DNAJC10: variants seen among roughly 807,000 people sequenced by gnomAD.
DNAJC10 encodes the protein DnaJ heat shock protein family (Hsp40) member C10.
In DNAJC10, 101 loss-of-function variants were observed where a neutral mutation model predicts 115.0. That is an observed-to-expected ratio of 0.88 (90% CI 0.75 to 1.04). The LOEUF (loss-of-function observed/expected upper bound fraction) is 1.04. Among genes scored for constraint, DNAJC10 ranks in the 50% least tolerant of loss-of-function variants. The pLI, the probability that DNAJC10 is intolerant of heterozygous loss-of-function variation, is 0.00. For synonymous variants in DNAJC10, 307 were observed against 301.5 expected, an observed-to-expected ratio of 1.02 and a Z score of -0.19; for missense variants, 981 against 928.8, an observed-to-expected ratio of 1.06 and a Z score of -0.73.
chr2:182,759,104 T>A lies in DNAJC10; in HGVS notation c.1998-56T>A. On this transcript the variant is annotated intron_variant, in intron 20 of 23. Coordinates refer to ENST00000264065, the MANE Select transcript of DNAJC10 (RefSeq NM_018981.4). ...GAAAGTATTACAATATTATTGCATT[T>A]CATATGTTTGCTTTGGTTTTATATA... is the stretch of plus-strand genomic sequence containing the variant. 4.2e-6 allele frequency: 6 copies of A among 1,428,664 alleles called. No homozygotes were observed. The South Asian group carries it at 7.8e-5, about 19-fold the overall frequency. The allele number at this position is 1,428,664 out of a possible 1,614,324, so 88.5% of individuals were successfully genotyped here.
At chr2:182,764,624 A>G (rs1359523962) in intron 22 of DNAJC10, among the ~76,000 whole-genome samples, 2 of 152,118 alleles carry the variant, frequency 1.3e-5, no homozygotes, top group Non-Finnish European at 2.9e-5. Flanking sequence ...CTATAAAAGG[A>G]TTGATTCTGC....
intron 14 of DNAJC10, among the ~76,000 whole-genome samples, chr2:182,746,072 C>CT (rs1282307913): frequency 3.3e-5 from 5 of 152,170 alleles, no homozygotes; most frequent in Non-Finnish European, 7.4e-5. Flanking sequence ...TGAACTCATC[C>CT]TTTTTTATGG....
At chr2:182,760,391 A>G (rs1213687406) in intron 21 of DNAJC10, among the ~76,000 whole-genome samples, 1 of 152,158 alleles carries the variant, frequency 6.6e-6, no homozygotes, top group East Asian at 1.9e-4. Context: ...GGAGCTGGAT[A>G]CCAATGGAAA....
chr2:182,779,980 T>C lies in DNAJC10; in HGVS notation c.*2848T>C, dbSNP rs534928144. 3.3e-5 allele frequency: 5 copies of C among 152,328 alleles called. No homozygotes were observed. Among genetic ancestry groups the C allele is most frequent in the African/African-American group, 9.6e-5 (4 of 41,576 alleles). 9.4% of individuals were successfully genotyped at this position (152,328 alleles called of 1,614,324 possible). ...AGATGTCTTAAAGTAGGCACATTTA[T>C]TCCATTGTGACTGTTAAGAAATAAT... On this transcript the variant is annotated 3_prime_UTR_variant, in exon 24 of 24. Transcript: ENST00000264065.
In DNAJC10 at chr2:182,729,900, C is replaced by G; in HGVS notation, c.686C>G (p.Ala229Gly). ...DRSKESLVSF[A>G]MQHVRSTVTE... Reference sequence around the variant, plus strand: ...TCAAAGGAGAGTTTAGTGAGTTTTGCAATGCAGCATGTTAGAAGTACAGTG... The same window carrying G: ...TCAAAGGAGAGTTTAGTGAGTTTTGGAATGCAGCATGTTAGAAGTACAGTG... The change falls in exon 8 of 24, where the codon GCA becomes GGA. Residue 229 changes from alanine to glycine, a missense_variant. By Grantham distance (60) the Ala-to-Gly change is moderately conservative. Transcript: ENST00000264065. The G allele has an allele frequency of 3.1e-6, 5 of 1,609,956 alleles. No homozygotes were observed. The highest frequency in any genetic ancestry group is 4.2e-6 in the Non-Finnish European group (5 of 1,178,088).
intron 21 of DNAJC10, 40 bp downstream of exon 21, chr2:182,759,347 A>G (rs759296141): frequency 1.3e-6 from 2 of 1,559,736 alleles, no homozygotes; most frequent in Non-Finnish European, 1.7e-6. Flanking sequence ...AGCCACATTC[A>G]TGTTTTAGTA....
At chr2:182,739,701 A>G in intron 11 of DNAJC10, 2 of 1,029,926 alleles carry the variant, frequency 1.9e-6, no homozygotes, top group Non-Finnish European at 2.3e-6. Context: ...CAAGTTTAAG[A>G]TAAGATCTGT....
At chr2:182,731,935 A>G (rs1338699162) in intron 9 of DNAJC10, among the ~76,000 whole-genome samples, 1 of 152,152 alleles carries the variant, frequency 6.6e-6, no homozygotes. Flanking sequence ...AAGTTCTTAC[A>G]TTCTCTGAGA....
chr2:182,759,249 A>C lies in DNAJC10; in HGVS notation c.2087A>C (p.Tyr696Ser). The stretch of plus-strand genomic sequence containing the variant: ...AAAAATCATTGGGTGATTGATTTCT[A>C]TGCTCCTTGGTGTGGACCTTGCCAG... ...QGKNHWVIDF[Y>S]APWCGPCQNF... Residue 696 changes from tyrosine (Y) to serine (S), a missense_variant, in exon 21 of 24, where the codon TAT becomes TCT. By Grantham distance (144) the Tyr-to-Ser change is moderately radical. Coordinates refer to ENST00000264065, the MANE Select transcript of DNAJC10 (RefSeq NM_018981.4). 6.2e-7 allele frequency: 1 copy of C among 1,612,250 alleles called. No homozygotes were observed. Among genetic ancestry groups the C allele is most frequent in the East Asian group, 2.2e-5 (1 of 44,794 alleles).
At chr2:182,745,273 G>T (rs1198657438) in intron 14 of DNAJC10, among the ~76,000 whole-genome samples, 1 of 152,194 alleles carries the variant, frequency 6.6e-6, no homozygotes, top group Non-Finnish European at 1.5e-5. Context: ...AGTTTTTCCA[G>T]TCTTAATTCC....
intron 16 of DNAJC10, among the ~76,000 whole-genome samples, chr2:182,754,318 T>G (rs888990165): frequency 2.0e-5 from 3 of 152,212 alleles, no homozygotes; most frequent in Non-Finnish European, 2.9e-5. Context: ...AATGAGTACT[T>G]AAAACTTTAA....
chr2:182,728,886 G>A lies in DNAJC10; in HGVS notation c.525G>A (p.Val175=). ...AGTGGAGAGACTTTGCTAAAGAAGT[G>A]GATGGGTTACTTCGAATTGGAGCTG... ...APTWRDFAKE[V]DGLLRIGAVN... The change falls in exon 7 of 24, where the codon GTG becomes GTA. Residue 175 remains valine, a synonymous_variant. Transcript: ENST00000264065. 1 of 1,614,018 alleles carries A rather than the reference G, an allele frequency of 6.2e-7. No homozygotes were observed. The highest frequency in any genetic ancestry group is 8.5e-7 in the Non-Finnish European group (1 of 1,179,970).
intron 22 of DNAJC10, among the ~76,000 whole-genome samples, chr2:182,771,577 T>C (rs1036864927): frequency 1.3e-5 from 2 of 152,190 alleles, no homozygotes; most frequent in East Asian, 3.8e-4. Context: ...TGTCCAGGAA[T>C]TTATCCATTT....
intron 11 of DNAJC10, among the ~76,000 whole-genome samples, chr2:182,739,338 A>G (rs1368250699): frequency 2.0e-5 from 3 of 151,188 alleles, no homozygotes; most frequent in Non-Finnish European, 3.0e-5. Context: ...ATTTTTAGCC[A>G]TATGTTTGTT....
At chr2:182,729,051 G>A in intron 7 of DNAJC10, 57 bp downstream of exon 7, 1 of 1,548,676 alleles carries the variant, frequency 6.5e-7, no homozygotes, top group Non-Finnish European at 8.9e-7. Flanking sequence ...AAGTTAAATA[G>A]TAGAGAAAAT....
At chr2:182,745,476 T>C (rs1693837635) in intron 14 of DNAJC10, among the ~76,000 whole-genome samples, 3 of 152,216 alleles carry the variant, frequency 2.0e-5, no homozygotes, top group Admixed American at 6.5e-5. Flanking sequence ...CTGGAAAATA[T>C]ATTATGAATC....
chr2:182,746,477 A>C (rs572082888), intron 14 of DNAJC10, among the ~76,000 whole-genome samples: 3 of 152,132 alleles, frequency 2.0e-5, no homozygotes, highest in South Asian at 2.1e-4. Context: ...CATTTCTCTG[A>C]TGGCCAGTGA....
At position 182,750,390 on chromosome 2, in the gene DNAJC10, A is replaced by G. The variant is rs951202724; in HGVS notation, c.1307-1268A>G. ...ATAGAATTATTATGATACAGGGCAG[A>G]GAAAGAAGTCAAGGCTCACTCTGGG... On this transcript the variant is annotated intron_variant, in intron 14 of 23. Transcript: ENST00000264065. 1.5e-4 allele frequency among the ~76,000 whole-genome samples: 23 copies of G among 152,184 alleles called. 1 individual carries two copies. Among genetic ancestry groups the G allele is most frequent in the African/African-American group, 5.5e-4 (23 of 41,446 alleles).
chr2:182,787,662 G>GTAAC lies in DNAJC10; in HGVS notation c.*10532_*10535dup, dbSNP rs1180392608. ...AGGCCAGGTGCGGTGGCTCACACCTGTAACTCCAGCACTTTGGAAGGCCCA... is the reference window on the plus strand; with the variant it reads ...AGGCCAGGTGCGGTGGCTCACACCTGTAACTAACTCCAGCACTTTGGAAGGCCCA... On this transcript the variant is annotated 3_prime_UTR_variant, in exon 24 of 24. Transcript: ENST00000264065. 2.0e-5 allele frequency: 3 copies of GTAAC among 152,352 alleles called. No homozygotes were observed. The highest frequency in any genetic ancestry group is 6.5e-5 in the Admixed American group (1 of 15,270). The allele number at this position is 152,352 out of a possible 1,614,324, so 9.4% of individuals were successfully genotyped here.
Sources: gnomAD v4.1 joint callset for allele counts (sites outside exome capture counted in the v4.1 genomes callset) on GRCh38, gnomAD v4.1.1 for gene constraint, MANE v1.5 for transcripts, NCBI Gene and HGNC (gene_info 2026-07-23, HGNC 2026-07-21) for gene names.